AMPH: variants seen among roughly 807,000 people sequenced by gnomAD.
AMPH encodes the protein amphiphysin (Stiff-Mann syndrome with breast cancer 128kD autoantigen).
In AMPH, 49 loss-of-function variants were observed where a neutral mutation model predicts 99.1. The ratio of observed to expected loss-of-function variants is 0.49; its 90% CI spans 0.39 to 0.63. The LOEUF (loss-of-function observed/expected upper bound fraction) is 0.63, where lower values mean the gene tolerates loss of function less well. AMPH is among the 20% of genes least tolerant of loss of function. The probability of loss-of-function intolerance (pLI) is 0.00; values close to 1 mark genes in which losing one functional copy is unlikely to be tolerated. For missense variants in AMPH, 759 were observed against 863.4 expected (o/e 0.88, Z 1.52); for synonymous variants, 314 against 317.3 (o/e 0.99, Z 0.11).
chr7:38,616,800 T>C (rs1255670735), intron 1 of AMPH, among the ~76,000 whole-genome samples: 1 of 152,152 alleles, frequency 6.6e-6, no homozygotes, highest in Non-Finnish European at 1.5e-5. Flanking sequence ...AATTAATCTA[T>C]GGGGTTAGAA....
At chr7:38,540,979 T>C (rs1352302919) in intron 1 of AMPH, among the ~76,000 whole-genome samples, 2 of 148,216 alleles carry the variant, frequency 1.3e-5, no homozygotes, top group Non-Finnish European at 3.0e-5. Context: ...TAGTCTTCTT[T>C]AACAAGGAGA....
intron 17 of AMPH, among the ~76,000 whole-genome samples, chr7:38,413,115 T>C (rs993933209): frequency 1.3e-5 from 2 of 152,186 alleles, no homozygotes; most frequent in African/African-American, 4.8e-5. Context: ...ATGACGATGA[T>C]AACAATAATG....
chr7:38,426,938 A>G lies in AMPH; in HGVS notation c.1215+16T>C. 1 of 1,611,192 alleles carries G rather than the reference A, an allele frequency of 6.2e-7. No homozygotes were observed. Among genetic ancestry groups the G allele is most frequent in the Non-Finnish European group, 8.5e-7 (1 of 1,177,880 alleles). ...ATTCTCAGCAGATGGATCTTGTAAGAAAACAGATTCCTTACCTGTGTGAAT... is the reference window on the plus strand; with the variant it reads ...ATTCTCAGCAGATGGATCTTGTAAGGAAACAGATTCCTTACCTGTGTGAAT... On this transcript the variant is annotated intron_variant, in intron 15 of 20. Coordinates refer to ENST00000356264, the MANE Select transcript of AMPH (RefSeq NM_001635.4).
intron 17 of AMPH, among the ~76,000 whole-genome samples, chr7:38,399,805 A>C (rs1430038255): frequency 1.3e-5 from 2 of 152,314 alleles, no homozygotes; most frequent in East Asian, 3.9e-4. Flanking sequence ...GTTCAGAAAA[A>C]CACAATTATC....
intron 1 of AMPH, among the ~76,000 whole-genome samples, chr7:38,546,807 T>C (rs1791011589): frequency 6.6e-6 from 1 of 152,238 alleles, no homozygotes; most frequent in Admixed American, 6.5e-5. Context: ...TTTCGCTAGC[T>C]ATTTACACCA....
intron 1 of AMPH, among the ~76,000 whole-genome samples, chr7:38,548,944 G>A (rs1033590521): frequency 1.3e-5 from 2 of 152,208 alleles, no homozygotes; most frequent in Non-Finnish European, 2.9e-5. Flanking sequence ...ACAGAAGATG[G>A]ATCCTCCATG....
intron 15 of AMPH, among the ~76,000 whole-genome samples, chr7:38,426,322 A>G (rs1159274601): frequency 6.6e-6 from 1 of 152,170 alleles, no homozygotes; most frequent in Admixed American, 6.5e-5. Context: ...ACCTGTTGGG[A>G]CATACACATA....
chr7:38,620,431 TAATTACAGGGA>T (rs1308110149), intron 1 of AMPH, among the ~76,000 whole-genome samples: 1 of 149,712 alleles, frequency 6.7e-6, no homozygotes, highest in African/African-American at 2.5e-5. Flanking sequence ...AATTACAGAG[TAATTACAGGGA>T]AAGGTATTAC....
chr7:38,394,877 A>T (rs1784623387), intron 17 of AMPH, among the ~76,000 whole-genome samples: 1 of 152,178 alleles, frequency 6.6e-6, no homozygotes, highest in Non-Finnish European at 1.5e-5. Flanking sequence ...TTTTTAAAAA[A>T]ATTATTTCCT....
intron 4 of AMPH, among the ~76,000 whole-genome samples, chr7:38,491,668 T>C (rs966072710): frequency 6.6e-6 from 1 of 152,242 alleles, no homozygotes; most frequent in African/African-American, 2.4e-5. Flanking sequence ...TTACAACTAG[T>C]ATTCCTACTG....
intron 7 of AMPH, among the ~76,000 whole-genome samples, chr7:38,474,650 G>A (rs945061780): frequency 2.0e-5 from 3 of 152,080 alleles, no homozygotes; most frequent in Admixed American, 1.3e-4. Context: ...GCACAACTCT[G>A]GCTAATTTGG....
intron 1 of AMPH, among the ~76,000 whole-genome samples, chr7:38,561,344 GCCCTGTC>G (rs1395262278): frequency 7.2e-5 from 11 of 152,196 alleles, no homozygotes; most frequent in Admixed American, 6.5e-4. Context: ...TAGACTGCTA[GCCCTGTC>G]TTATCCTCCA....
At chr7:38,400,904 T>G (rs929043539) in intron 17 of AMPH, among the ~76,000 whole-genome samples, 2 of 152,194 alleles carry the variant, frequency 1.3e-5, no homozygotes, top group African/African-American at 2.4e-5. Context: ...CATAGGCATT[T>G]TTCTAATAAA....
At chr7:38,617,616 C>T (rs138778436) in intron 1 of AMPH, among the ~76,000 whole-genome samples, 499 of 152,314 alleles carry the variant, frequency 3.3e-3, no homozygotes, top group Admixed American at 4.8e-3. Context: ...GTGCCAGCAG[C>T]TCTGTCATCC....
intron 11 of AMPH, among the ~76,000 whole-genome samples, chr7:38,454,742 T>C (rs936133652): frequency 7.2e-5 from 11 of 152,206 alleles, no homozygotes; most frequent in South Asian, 4.1e-4. Flanking sequence ...TAAGAATCAA[T>C]AGAAGACATA....
chr7:38,614,393 A>G (rs775919363), intron 1 of AMPH, among the ~76,000 whole-genome samples: 1 of 152,018 alleles, frequency 6.6e-6, no homozygotes, highest in Non-Finnish European at 1.5e-5. Flanking sequence ...AAAGATGAAA[A>G]TTGAGCTATT....
At chr7:38,476,315 A>C (rs12535314) in intron 6 of AMPH, among the ~76,000 whole-genome samples, 37,874 of 152,088 alleles carry the variant, frequency 0.25, 5,762 homozygotes, top group African/African-American at 0.39. Context: ...TCGATGTAGA[A>C]AGACCATTCA....
At chr7:38,398,182 C>CAAAAAAA (rs33972156) in intron 17 of AMPH, among the ~76,000 whole-genome samples, 4 of 114,750 alleles carry the variant, frequency 3.5e-5, no homozygotes, top group African/African-American at 1.3e-4. Flanking sequence ...GGTATATACT[C>CAAAAAAA]AAAAAAAAAA....
chr7:38,618,293 A>G (rs62442572), intron 1 of AMPH, among the ~76,000 whole-genome samples: 23,952 of 151,482 alleles, frequency 0.16, 2,287 homozygotes, highest in South Asian at 0.22. Flanking sequence ...CGGGCAGATC[A>G]TGAGGTCAGG....
Sources: gnomAD v4.1 joint callset for allele counts (sites outside exome capture counted in the v4.1 genomes callset) on GRCh38, gnomAD v4.1.1 for gene constraint, MANE v1.5 for transcripts, NCBI Gene and HGNC (gene_info 2026-07-23, HGNC 2026-07-21) for gene names.